The following ELAC1 variants were observed in gnomAD, a reference collection of about 807,000 sequenced individuals.
ELAC1 encodes zinc phosphodiesterase ELAC protein 1.
ELAC1 carries 19 observed loss-of-function variants against 25.8 expected under a neutral mutation model. The ratio of observed to expected loss-of-function variants is 0.74; its 90% CI spans 0.51 to 1.08. The LOEUF (loss-of-function observed/expected upper bound fraction) is 1.08, where lower values mean the gene tolerates loss of function less well. ELAC1 is among the 50% of genes least tolerant of loss of function. ELAC1 has a pLI of 0.00. For missense variants in ELAC1, 403 were observed against 434.6 expected, an observed-to-expected ratio of 0.93 and a Z score of 0.65; for synonymous variants, 148 against 160.9, an observed-to-expected ratio of 0.92 and a Z score of 0.61.
Position 50,986,791 on chromosome 18 carries a change from C to G in ELAC1, c.798C>G (p.Cys266Trp). The change falls in exon 4 of 4, where the codon TGC (cysteine) becomes TGG (tryptophan). Residue 266 changes from cysteine to tryptophan, a missense_variant. Physicochemically the swap from Cys to Trp is radical, Grantham distance 215 (BLOSUM62 -2). Transcript: ENST00000269466. The stretch of plus-strand genomic sequence containing the variant: ...TGGGTGATGGAGGAGTAAAACTGTG[C>G]TTTGAAGCAGACCTGTTGATCCACG... ...GVVGDGGVKL[C>W]FEADLLIHEA... is the part of the protein sequence containing the mutation. The G allele has an allele frequency of 3.1e-6, 5 of 1,614,160 alleles. No individual in the cohort carries two copies. The highest frequency in any genetic ancestry group is 4.2e-6 in the Non-Finnish European group (5 of 1,180,036).
At chr18:50,973,338 A>G (rs1907712178) in intron 1 of ELAC1, among the ~76,000 whole-genome samples, 1 of 152,226 alleles carries the variant, frequency 6.6e-6, no homozygotes, top group Non-Finnish European at 1.5e-5. Flanking sequence ...TTTGATACAT[A>G]TATTCCATCT....
chr18:50,974,064 C>T (rs1907730681), intron 1 of ELAC1, among the ~76,000 whole-genome samples: 2 of 152,222 alleles, frequency 1.3e-5, no homozygotes, highest in Non-Finnish European at 2.9e-5. Context: ...TTCCTTCTCT[C>T]ACCCTGTATC....
At chr18:50,978,368 G>T (rs532104704) in intron 2 of ELAC1, among the ~76,000 whole-genome samples, 1 of 152,080 alleles carries the variant, frequency 6.6e-6, no homozygotes, top group East Asian at 1.9e-4. Flanking sequence ...TGAACTAATC[G>T]CAGTTCCGCA....
intron 2 of ELAC1, among the ~76,000 whole-genome samples, chr18:50,976,810 A>T (rs1907806479): frequency 6.6e-6 from 1 of 152,204 alleles, no homozygotes; most frequent in Non-Finnish European, 1.5e-5. Context: ...CTACCTATGA[A>T]CCTGTAAAAT....
At chr18:50,975,301 C>T (rs1907772766) in intron 2 of ELAC1, among the ~76,000 whole-genome samples, 2 of 152,146 alleles carry the variant, frequency 1.3e-5, no homozygotes, top group South Asian at 4.2e-4. Context: ...TTGCCTCTTT[C>T]TCAGTTAAAT....
In ELAC1 at chr18:50,986,652, A is replaced by C. The variant is rs1157357613; in HGVS notation, c.659A>C (p.Lys220Thr). ...VPPGPAYGKLKNGISVVLENG... is the reference protein window; with the variant it reads ...VPPGPAYGKLTNGISVVLENG... ...CCAGGTCCTGCCTATGGGAAGCTGAAAAATGGAATTTCTGTTGTTCTGGAA... is the reference window on the plus strand; with the variant it reads ...CCAGGTCCTGCCTATGGGAAGCTGACAAATGGAATTTCTGTTGTTCTGGAA... The change falls in exon 4 of 4, where the codon AAA (lysine) becomes ACA (threonine). Residue 220 changes from lysine (K) to threonine (T), a missense_variant. Lys to Thr is a moderately conservative substitution (Grantham distance 78, BLOSUM62 -1). Coordinates refer to ENST00000269466, the MANE Select transcript of ELAC1 (RefSeq NM_018696.3). 6.2e-7 allele frequency: 1 copy of C among 1,613,386 alleles called. No individual in the cohort carries two copies.
At chr18:50,972,469 T>TTGTATGTATGTA (rs571227087) in intron 1 of ELAC1, among the ~76,000 whole-genome samples, 2 of 151,906 alleles carry the variant, frequency 1.3e-5, no homozygotes, top group African/African-American at 4.8e-5. Flanking sequence ...ATATTATTGT[T>TTGTATGTATGTA]TGTATGTATG....
At chr18:50,978,362 C>G (rs889799179) in intron 2 of ELAC1, among the ~76,000 whole-genome samples, 4 of 152,002 alleles carry the variant, frequency 2.6e-5, no homozygotes, top group African/African-American at 9.7e-5. Context: ...GTTTAATGAA[C>G]TAATCGCAGT....
chr18:50,984,288 A>G lies in ELAC1; in HGVS notation c.350A>G (p.His117Arg), dbSNP rs1189030813. The change falls in exon 3 of 4, where the codon CAT (histidine) becomes CGT (arginine). Residue 117 changes from histidine (H) to arginine (R), a missense_variant. By Grantham distance (29) the His-to-Arg change is conservative. Coordinates refer to ENST00000269466, the MANE Select transcript of ELAC1 (RefSeq NM_018696.3). ...MELSHTELVF[H>R]YVVHELVPTA... ...CTCTCTCACACGGAGCTGGTCTTCCATTATGTGGTTCATGAACTGGTTCCT... is the reference window on the plus strand; with the variant it reads ...CTCTCTCACACGGAGCTGGTCTTCCGTTATGTGGTTCATGAACTGGTTCCT... The G allele has an allele frequency of 6.2e-6, 10 of 1,614,080 alleles. No individual in the cohort carries two copies. Among genetic ancestry groups the G allele is most frequent in the African/African-American group, 2.7e-5 (2 of 74,930 alleles).
chr18:50,984,655 G>A (rs151019513), intron 3 of ELAC1, 92 bp downstream of exon 3: 534 of 975,506 alleles, frequency 5.5e-4, no homozygotes, highest in Admixed American at 8.9e-4. Context: ...AGTAAGGCCA[G>A]GAGTTGTGGC....
chr18:50,979,796 G>T (rs1432766039), intron 2 of ELAC1, among the ~76,000 whole-genome samples: 3 of 151,844 alleles, frequency 2.0e-5, no homozygotes, highest in African/African-American at 7.3e-5. Context: ...GTGCGATCTC[G>T]GCTCATTACA....
At position 50,984,181 on chromosome 18, in the gene ELAC1, G is replaced by C; in HGVS notation, c.243G>C (p.Gln81His). Residue 81 changes from glutamine (Q) to histidine (H), a missense_variant, in exon 3 of 4, where the codon CAG becomes CAC. Physicochemically the swap from Gln to His is conservative, Grantham distance 24 (BLOSUM62 0). Transcript: ENST00000269466. ...GGCTCCTCTGCACAATCAGCCTGCA[G>C]AGTGGCTCCATGGTGTCCAAACAGC... ...LPGLLCTISL[Q>H]SGSMVSKQPI... 6.2e-7 allele frequency: 1 copy of C among 1,614,170 alleles called. No homozygotes were observed. Among genetic ancestry groups the C allele is most frequent in the Non-Finnish European group, 8.5e-7 (1 of 1,180,016 alleles).
rs1462555061 is a variant in ELAC1, at chr18:50,987,208, G to C, written c.*123G>C. 6.1e-6 allele frequency: 4 copies of C among 659,440 alleles called. No individual in the cohort carries two copies. The African/African-American group carries it at 7.3e-5, about 12-fold the overall frequency. 40.8% of individuals were successfully genotyped at this position (659,440 alleles called of 1,614,324 possible). A position where few individuals can be genotyped will look rare whatever the true frequency, so the allele number is the denominator to read the frequency against. On this transcript the variant is annotated 3_prime_UTR_variant, in exon 4 of 4. Transcript: ENST00000269466. ...GGCCCTAATAATCCTAAAAAGAATG[G>C]AGCTGCATTGATGAATTGGCTCAGT...
intron 2 of ELAC1, among the ~76,000 whole-genome samples, chr18:50,980,252 A>G (rs1274625671): frequency 6.6e-6 from 1 of 151,556 alleles, no homozygotes; most frequent in Admixed American, 6.6e-5. Flanking sequence ...CAAAGCTGCA[A>G]TGAGCCATGA....
chr18:50,973,277 A>G lies in ELAC1; in HGVS notation c.-8-1120A>G, dbSNP rs546481104. 3.9e-5 allele frequency among the ~76,000 whole-genome samples: 6 copies of G among 152,326 alleles called. No individual in the cohort carries two copies. In the South Asian group the frequency reaches 1.2e-3, roughly 32 times the overall value. ...GTTTTCTTCCCTGCCATCAATGTGG[A>G]TAATCTATAATCAGTTATGTATAAA... On this transcript the variant is annotated intron_variant, in intron 1 of 3. Transcript: ENST00000269466.
intron 1 of ELAC1, among the ~76,000 whole-genome samples, chr18:50,972,323 G>C (rs1170732544): frequency 6.6e-6 from 1 of 152,026 alleles, no homozygotes; most frequent in Non-Finnish European, 1.5e-5. Flanking sequence ...TTCTCTGCTA[G>C]AATAGCCAAT....
At chr18:50,984,612 G>A (rs181382641) in intron 3 of ELAC1, 49 bp downstream of exon 3, 69 of 1,313,268 alleles carry the variant, frequency 5.3e-5, no homozygotes, top group Middle Eastern at 1.8e-4. Flanking sequence ...CATCAATAGG[G>A]CTCCTGTTGA....
At chr18:50,976,520 G>A (rs761873074) in intron 2 of ELAC1, among the ~76,000 whole-genome samples, 28 of 152,248 alleles carry the variant, frequency 1.8e-4, no homozygotes, top group East Asian at 5.8e-4. Context: ...ATTCACTGTC[G>A]TGAGAACAGC....
chr18:50,972,132 T>C (rs1443229492), intron 1 of ELAC1, among the ~76,000 whole-genome samples: 1 of 151,478 alleles, frequency 6.6e-6, no homozygotes, highest in East Asian at 1.9e-4. Context: ...TGAAAATGTC[T>C]GTTTTTAAAG....
Sources: allele counts gnomAD v4.1 joint callset (sites outside exome capture counted in the v4.1 genomes callset), GRCh38; gene constraint gnomAD v4.1.1; transcripts MANE v1.5; gene names NCBI Gene and HGNC (gene_info 2026-07-23, HGNC 2026-07-21).